Variants in COMMD1 observed in about 807,000 individuals in gnomAD.
COMMD1 encodes the protein COMM domain-containing protein 1.
COMMD1 carries 10 observed loss-of-function variants against 17.2 expected under a neutral mutation model. That is an observed-to-expected ratio of 0.58 (90% CI 0.36 to 0.99). The LOEUF (loss-of-function observed/expected upper bound fraction) is 0.99. Ranked by LOEUF, COMMD1 falls within the 50% of genes least tolerant of loss-of-function variation. The pLI is 0.01. For missense variants in COMMD1, 270 were observed against 231.8 expected (o/e 1.17, Z -1.07); for synonymous variants, 97 against 91.6 (o/e 1.06, Z -0.34).
At chr2:62,098,072 C>T (rs1026076602) in intron 2 of COMMD1, among the ~76,000 whole-genome samples, 3 of 151,828 alleles carry the variant, frequency 2.0e-5, no homozygotes, top group African/African-American at 7.3e-5. Context: ...TCTCTGGGGA[C>T]CATGGGACCC....
intron 1 of COMMD1, among the ~76,000 whole-genome samples, chr2:61,983,098 G>A (rs991629296): frequency 3.3e-5 from 5 of 151,868 alleles, no homozygotes; most frequent in Non-Finnish European, 5.9e-5. Flanking sequence ...AGTAGGATTG[G>A]TATTAATTCT....
At chr2:61,978,111 CA>C (rs1418139263) in intron 1 of COMMD1, among the ~76,000 whole-genome samples, 2 of 151,944 alleles carry the variant, frequency 1.3e-5, no homozygotes, top group Non-Finnish European at 2.9e-5. Flanking sequence ...GCCTGTGAAA[CA>C]TAGTGAAACC....
chr2:62,030,477 T>C (rs1669883488), intron 2 of COMMD1, among the ~76,000 whole-genome samples: 1 of 152,156 alleles, frequency 6.6e-6, no homozygotes, highest in Non-Finnish European at 1.5e-5. Context: ...CTCTAGCCAC[T>C]AGTCAACAGC....
At chr2:61,904,268 T>C (rs978563129), upstream of COMMD1, among the ~76,000 whole-genome samples, 3 of 151,566 alleles carry the variant, frequency 2.0e-5, no homozygotes, top group African/African-American at 7.3e-5. Flanking sequence ...GCCTCGGCCT[T>C]CCAAAGTGCT....
chr2:61,926,894 C>T (rs1670341472), intron 1 of COMMD1, among the ~76,000 whole-genome samples: 1 of 152,048 alleles, frequency 6.6e-6, no homozygotes, highest in South Asian at 2.1e-4. Context: ...TTTGTTTTTC[C>T]CTTGGGCACA....
At chr2:62,103,622 A>C (rs1238946439) in intron 2 of COMMD1, among the ~76,000 whole-genome samples, 1 of 152,238 alleles carries the variant, frequency 6.6e-6, no homozygotes, top group Non-Finnish European at 1.5e-5. Context: ...TTTATAATTC[A>C]CTGGGCAGAC....
intron 2 of COMMD1, among the ~76,000 whole-genome samples, chr2:62,047,464 CTTCCTTTCTTTTTT>C (rs1260790336): frequency 6.6e-6 from 1 of 150,680 alleles, no homozygotes; most frequent in Non-Finnish European, 1.5e-5. Flanking sequence ...TTCTTTCTTT[CTTCCTTTCTTTTTT>C]TTTTTGAGAC....
chr2:62,049,700 A>G (rs1017223314), intron 2 of COMMD1, among the ~76,000 whole-genome samples: 3 of 152,204 alleles, frequency 2.0e-5, no homozygotes, highest in Non-Finnish European at 4.4e-5. Context: ...CAGTACTGCA[A>G]TATCGTACCA....
intron 2 of COMMD1, among the ~76,000 whole-genome samples, chr2:62,089,043 G>A (rs1399004118): frequency 6.6e-6 from 1 of 152,126 alleles, no homozygotes; most frequent in African/African-American, 2.4e-5. Context: ...GAAATGTTCA[G>A]GTTAAGATAA....
At chr2:61,904,136 G>A (rs895755430), upstream of COMMD1, among the ~76,000 whole-genome samples, 7 of 151,776 alleles carry the variant, frequency 4.6e-5, no homozygotes, top group Non-Finnish European at 8.8e-5. Context: ...CCAGCCTCCC[G>A]AGTAGCTGGG....
intron 2 of COMMD1, among the ~76,000 whole-genome samples, chr2:62,057,171 T>G (rs1204969102): frequency 6.6e-6 from 1 of 152,198 alleles, no homozygotes; most frequent in South Asian, 2.1e-4. Flanking sequence ...AATTATTTCA[T>G]TATATATTAC....
upstream of COMMD1, among the ~76,000 whole-genome samples, chr2:61,902,876 A>G (rs1669687992): frequency 6.6e-6 from 1 of 152,156 alleles, no homozygotes; most frequent in African/African-American, 2.4e-5. Context: ...TAAAAGAATA[A>G]TATCAGTCAG....
At chr2:61,982,071 T>G (rs1297055837) in intron 1 of COMMD1, among the ~76,000 whole-genome samples, 4 of 152,204 alleles carry the variant, frequency 2.6e-5, no homozygotes, top group African/African-American at 9.7e-5. Flanking sequence ...GTAGATTGCT[T>G]TGCATAGTAT....
intron 1 of COMMD1, among the ~76,000 whole-genome samples, chr2:61,925,172 G>A (rs1670296202): frequency 6.6e-6 from 1 of 151,950 alleles, no homozygotes; most frequent in African/African-American, 2.4e-5. Context: ...AGGGAGAGGG[G>A]TGTTAGGGGA....
At chr2:61,998,212 CT>C (rs1158091104) in intron 1 of COMMD1, among the ~76,000 whole-genome samples, 1 of 150,238 alleles carries the variant, frequency 6.7e-6, no homozygotes, top group Non-Finnish European at 1.5e-5. Context: ...CCACCAAAAC[CT>C]TCTCCATATC....
intron 2 of COMMD1, among the ~76,000 whole-genome samples, chr2:62,017,961 T>A (rs1346014178): frequency 6.6e-6 from 1 of 150,522 alleles, no homozygotes; most frequent in Non-Finnish European, 1.5e-5. Flanking sequence ...GGAGGATCAC[T>A]GGAGCCTGGG....
At chr2:62,023,886 T>G (rs371751416) in intron 2 of COMMD1, among the ~76,000 whole-genome samples, 6 of 152,174 alleles carry the variant, frequency 3.9e-5, no homozygotes, top group African/African-American at 1.4e-4. Flanking sequence ...AATGGTTATA[T>G]CTACTCTATG....
At chr2:61,905,589 C>T, upstream of COMMD1, 4 of 1,324,036 alleles carry the variant, frequency 3.0e-6, no homozygotes, top group Non-Finnish European at 3.0e-6. Flanking sequence ...CGAGGTTCCC[C>T]GTGGTGGTTT....
chr2:62,016,772 C>G (rs1168593067), intron 2 of COMMD1, among the ~76,000 whole-genome samples: 4 of 151,986 alleles, frequency 2.6e-5, no homozygotes, highest in South Asian at 4.2e-4. Flanking sequence ...GTATCCTATC[C>G]AAGAAGTCAT....
Sources: gnomAD v4.1 joint callset for allele counts (sites outside exome capture counted in the v4.1 genomes callset) on GRCh38, gnomAD v4.1.1 for gene constraint, MANE v1.5 for transcripts, NCBI Gene and HGNC (gene_info 2026-07-23, HGNC 2026-07-21) for gene names.